The following LOC400499 variants were observed in gnomAD, a reference collection of about 807,000 sequenced individuals.
At chr16:11,445,367 G>C in the LOC400499 span, among the ~76,000 whole-genome samples, 1 of 151,984 alleles carries the variant, frequency 6.6e-6, no homozygotes, top group Non-Finnish European at 1.5e-5. Flanking sequence ...GTTGCAGTGA[G>C]CTGAGACTGC....
chr16:11,464,164 GACATGT>G, the LOC400499 span, among the ~76,000 whole-genome samples: 624 of 39,980 alleles, frequency 0.016, 9 homozygotes, highest in African/African-American at 0.057. Flanking sequence ...TATGTGTATG[GACATGT>G]GTATGTCATA....
At chr16:11,461,181 C>G in the LOC400499 span, 17 of 1,475,626 alleles carry the variant, frequency 1.2e-5, no homozygotes, top group African/African-American at 2.2e-4. Context: ...ACCCCCATCC[C>G]CAGGCAAAGA....
At chr16:11,436,647 G>A in the LOC400499 span, among the ~76,000 whole-genome samples, 3 of 152,030 alleles carry the variant, frequency 2.0e-5, no homozygotes, top group Non-Finnish European at 4.4e-5. Flanking sequence ...GAGTGCAGTG[G>A]CACAATCTCG....
chr16:11,422,868 G>A, the LOC400499 span, among the ~76,000 whole-genome samples: 3 of 152,176 alleles, frequency 2.0e-5, no homozygotes, highest in Non-Finnish European at 2.9e-5. Flanking sequence ...CATGCCCACC[G>A]CCAGCCCAGC....
chr16:11,496,257 G>A, the LOC400499 span, among the ~76,000 whole-genome samples: 6 of 151,898 alleles, frequency 4.0e-5, no homozygotes, highest in Non-Finnish European at 7.4e-5. Flanking sequence ...AGTAGAGATG[G>A]GGTTTCACCA....
At chr16:11,402,457 C>T in the LOC400499 span, among the ~76,000 whole-genome samples, 3 of 152,202 alleles carry the variant, frequency 2.0e-5, no homozygotes, top group South Asian at 2.1e-4. Context: ...GGCCTCGTGA[C>T]GTGCTAATAA....
the LOC400499 span, among the ~76,000 whole-genome samples, chr16:11,388,256 G>A: frequency 6.6e-6 from 1 of 152,104 alleles, no homozygotes; most frequent in Non-Finnish European, 1.5e-5. Context: ...TGAGTAACCA[G>A]GCAGGTCATT....
chr16:11,521,560 C>G, the LOC400499 span, among the ~76,000 whole-genome samples: 1 of 152,254 alleles, frequency 6.6e-6, no homozygotes, highest in East Asian at 1.9e-4. Flanking sequence ...AATAGACTTC[C>G]ACCCAGTCTA....
At chr16:11,525,161 G>A in the LOC400499 span, among the ~76,000 whole-genome samples, 3 of 152,028 alleles carry the variant, frequency 2.0e-5, no homozygotes, top group Non-Finnish European at 4.4e-5. Flanking sequence ...GTGCACACCT[G>A]TGGTCCCAGC....
the LOC400499 span, among the ~76,000 whole-genome samples, chr16:11,510,369 C>T: frequency 6.6e-6 from 1 of 151,802 alleles, no homozygotes; most frequent in Non-Finnish European, 1.5e-5. Context: ...GCCTGGGACA[C>T]ACAGAGGTCG....
the LOC400499 span, chr16:11,446,667 CGCAT>C: frequency 1.3e-6 from 2 of 1,534,088 alleles, no homozygotes; most frequent in Non-Finnish European, 1.7e-6. Flanking sequence ...CATGTACACA[CGCAT>C]GCAGGGAGTG....
the LOC400499 span, among the ~76,000 whole-genome samples, chr16:11,400,309 T>G: frequency 6.6e-6 from 1 of 152,072 alleles, no homozygotes; most frequent in Non-Finnish European, 1.5e-5. Context: ...CCTGCAGTGC[T>G]GCTCCTCCAG....
At chr16:11,492,645 C>T in the LOC400499 span, among the ~76,000 whole-genome samples, 1 of 152,076 alleles carries the variant, frequency 6.6e-6, no homozygotes, top group African/African-American at 2.4e-5. Context: ...ATTAGCCGGG[C>T]GTGGTGGCGG....
chr16:11,464,266 C>T, the LOC400499 span, among the ~76,000 whole-genome samples: 1 of 152,368 alleles, frequency 6.6e-6, no homozygotes, highest in East Asian at 1.9e-4. Context: ...GCTCGCTCTC[C>T]ACTCTGCTCC....
chr16:11,387,313 G>A, the LOC400499 span: 4 of 1,232,056 alleles, frequency 3.2e-6, no homozygotes, highest in Admixed American at 1.3e-4. Flanking sequence ...GAATGCAGAG[G>A]ACAAGTCACT....
At chr16:11,479,463 T>TA in the LOC400499 span, among the ~76,000 whole-genome samples, 1,072 of 141,384 alleles carry the variant, frequency 7.6e-3, 9 homozygotes, top group Non-Finnish European at 0.012. Flanking sequence ...ATTAAAAAAT[T>TA]AAAAAAAAAA....
chr16:11,502,073 T>G, the LOC400499 span: 1 of 399,002 alleles, frequency 2.5e-6, no homozygotes, highest in African/African-American at 2.1e-5. Context: ...GAGAGGGACC[T>G]TACCCATTGT....
chr16:11,391,912 G>C, the LOC400499 span: 1 of 1,003,548 alleles, frequency 1.0e-6, no homozygotes. Flanking sequence ...GGCAGAGAGA[G>C]CCCCAGACCC....
At chr16:11,519,707 CTTT>C in the LOC400499 span, among the ~76,000 whole-genome samples, 3 of 141,766 alleles carry the variant, frequency 2.1e-5, no homozygotes, top group Non-Finnish European at 1.5e-5. Flanking sequence ...TGTGACTCCA[CTTT>C]TTTTTTTTTT....
Sources: allele counts gnomAD v4.1 joint callset (sites outside exome capture counted in the v4.1 genomes callset), GRCh38; gene constraint gnomAD v4.1.1; transcripts MANE v1.5.